PNPLA6: variants seen among roughly 807,000 people sequenced by gnomAD.
The protein encoded by PNPLA6 is patatin like domain 6, lysophospholipase.
A neutral mutation model predicts 153.7 loss-of-function variants in PNPLA6; 105 were observed. The observed-to-expected ratio is 0.68, with a 90% confidence interval of 0.58 to 0.80. The LOEUF is 0.80. PNPLA6 is among the 30% of genes least tolerant of loss of function. The probability of loss-of-function intolerance (pLI) is 0.00; values close to 1 mark genes in which losing one functional copy is unlikely to be tolerated. For synonymous variants in PNPLA6, 825 were observed against 822.2 expected, an observed-to-expected ratio of 1.00 and a Z score of -0.06; for missense variants, 1,423 against 1,919.3, an observed-to-expected ratio of 0.74 and a Z score of 4.83.
upstream of PNPLA6, chr19:7,534,989 G>A (rs1018827064): frequency 1.2e-5 from 2 of 160,320 alleles, no homozygotes; most frequent in African/African-American, 2.4e-5. Context: ...GGCTTGCGTC[G>A]GGAGCCGAGT....
rs2023162836 is a variant in PNPLA6 at position 7,541,902 on chromosome 19, C to T, written c.1169-82C>T. 13 of 1,282,098 alleles carry T rather than the reference C, an allele frequency of 1.0e-5. No individual in the cohort carries two copies. Among genetic ancestry groups the T allele is most frequent in the South Asian group, 5.9e-5 (5 of 84,658 alleles). The allele number at this position is 1,282,098 out of a possible 1,614,324, so 79.4% of individuals were successfully genotyped here. ...GAATTGCTTTAACTAGTTAATCAGT[C>T]GCCAGCATCTCCTTATCTCCCAACC... On this transcript the variant is annotated intron_variant, in intron 9 of 31. Transcript: ENST00000600737. This position sits in a 1 kb window ranked among gnomAD's most constrained non-coding sequence, Gnocchi z 5.2.
In PNPLA6 at chr19:7,540,129, G is replaced by T. The variant is rs183762415; in HGVS notation, c.555-20G>T. 1.2e-6 allele frequency: 2 copies of T among 1,613,008 alleles called. No individual in the cohort carries two copies. The highest frequency in any genetic ancestry group is 1.7e-4 in the Middle Eastern group (1 of 6,032). ...GCCGCCCTGACCTCCAGCCTCTGTC[G>T]CCCACCGCCTGTCCAACAGGGTGCT... is the stretch of plus-strand genomic sequence containing the variant. On this transcript the variant is annotated intron_variant, in intron 4 of 31. Coordinates refer to ENST00000600737, the MANE Select transcript of PNPLA6 (RefSeq NM_001166114.2). This position sits in a 1 kb window ranked among gnomAD's most constrained non-coding sequence, Gnocchi z 6.8.
chr19:7,558,013 A>C (rs147123471), intron 27 of PNPLA6, among the ~76,000 whole-genome samples: 1 of 152,190 alleles, frequency 6.6e-6, no homozygotes, highest in African/African-American at 2.4e-5. Context: ...ATGTGCACAG[A>C]TGAACACGTG....
intron 18 of PNPLA6, among the ~76,000 whole-genome samples, chr19:7,551,982 C>T (rs543861243): frequency 6.6e-6 from 1 of 152,198 alleles, no homozygotes; most frequent in South Asian, 2.1e-4. Context: ...TGACACATGC[C>T]TGTAGTCTCA....
At chr19:7,537,121 A>G (rs1000113905) in intron 3 of PNPLA6, among the ~76,000 whole-genome samples, 1 of 151,980 alleles carries the variant, frequency 6.6e-6, no homozygotes, top group Non-Finnish European at 1.5e-5. Flanking sequence ...TCCCAAGTCA[A>G]TATCTCAGAG....
At chr19:7,554,744 G>A (rs767876353) in intron 21 of PNPLA6, 21 bp downstream of exon 21, 1 of 1,610,154 alleles carries the variant, frequency 6.2e-7, no homozygotes, top group Non-Finnish European at 8.5e-7. Flanking sequence ...CGTGCCCCCT[G>A]ATCTCACCCA....
At chr19:7,546,481 A>C (rs2146075284) in intron 13 of PNPLA6, among the ~76,000 whole-genome samples, 1 of 152,276 alleles carries the variant, frequency 6.6e-6, no homozygotes, top group Non-Finnish European at 1.5e-5. Context: ...ACAAACAAAA[A>C]AAATTAGCCA....
rs778359563 is a variant in PNPLA6, at chr19:7,539,996, C to T, written c.492C>T (p.Thr164=). 114 of 1,595,376 alleles carry T rather than the reference C, an allele frequency of 7.1e-5. No homozygotes were observed. The highest frequency in any genetic ancestry group is 2.6e-4 in the Admixed American group (15 of 56,870). ...CCGCAGTGCTAGAAGCTGACCTGAC[C>T]GAGGGCGACCTGGCTAACTCCCATC... The part of the protein sequence containing the change: ...PPPAVLEADL[T]EGDLANSHLP... Residue 164 remains threonine (T), a synonymous_variant, in exon 4 of 32, where the codon ACC becomes ACT. Transcript: ENST00000600737.
At chr19:7,551,282 C>A (rs563069253) in intron 17 of PNPLA6, 80 bp from the exon 18 acceptor site, 3 of 1,434,164 alleles carry the variant, frequency 2.1e-6, no homozygotes, top group African/African-American at 1.4e-5. Flanking sequence ...CACCCAGGAG[C>A]CCCGGCATAG....
chr19:7,539,866 C>T (rs2023046626), intron 3 of PNPLA6, 52 bp from the exon 4 acceptor site: 2 of 1,310,962 alleles, frequency 1.5e-6, no homozygotes. Context: ...TTAGGTTTGC[C>T]TGAGCCTTCT....
chr19:7,534,915 C>T (rs761990856), upstream of PNPLA6: 2 of 160,522 alleles, frequency 1.2e-5, no homozygotes, highest in East Asian at 1.8e-4. Flanking sequence ...GGGTATCAGA[C>T]GCCTTCCGCG....
At chr19:7,550,168 G>A in intron 14 of PNPLA6, 56 bp downstream of exon 14, 3 of 1,609,668 alleles carry the variant, frequency 1.9e-6, no homozygotes, top group Non-Finnish European at 2.5e-6. Context: ...CAACCCGTGG[G>A]AGTGGCCAGA....
At chr19:7,549,226 GC>G (rs2023532891) in intron 13 of PNPLA6, among the ~76,000 whole-genome samples, 1 of 140,098 alleles carries the variant, frequency 7.1e-6, no homozygotes, top group East Asian at 2.1e-4. Flanking sequence ...TCGCTCTGTC[GC>G]CCACGCTGGA....
At position 7,541,228 on chromosome 19, in the gene PNPLA6, TC is replaced by T; in HGVS notation, c.925-122del. 1 of 1,103,170 alleles carries T rather than the reference TC, an allele frequency of 9.1e-7. No homozygotes were observed. The highest frequency in any genetic ancestry group is 1.3e-6 in the Non-Finnish European group (1 of 745,676). 68.3% of individuals were successfully genotyped at this position (1,103,170 alleles called of 1,614,324 possible). A position where few individuals can be genotyped will look rare whatever the true frequency, so the allele number is the denominator to read the frequency against. ...CCTCCCTTAGCTGCCTCGCCCCATT[TC>T]CCCAGACTGTGGGTCTCTCCCTGGT... On this transcript the variant is annotated intron_variant, in intron 7 of 31. Transcript: ENST00000600737. The surrounding 1 kb of genome is among the most constrained non-coding windows in gnomAD (Gnocchi z 5.2).
Position 7,542,567 on chromosome 19 carries a change from A to G in PNPLA6, c.1259A>G (p.Gln420Arg). 1 of 1,613,316 alleles carries G rather than the reference A, an allele frequency of 6.2e-7. No homozygotes were observed. The highest frequency in any genetic ancestry group is 2.2e-5 in the East Asian group (1 of 44,864). The change falls in exon 11 of 32, where the codon CAG (glutamine) becomes CGG (arginine). Residue 420 changes from glutamine (Q) to arginine (R), a missense_variant. Gln to Arg is a conservative substitution (Grantham distance 43). This residue lies in a region of PNPLA6 where 267 missense variants were observed against 255.1 expected (regional missense o/e 1.05). Transcript: ENST00000600737. Reference protein sequence around the residue: ...VSMPGDISGLQGGPRSDFDMA... With the variant: ...VSMPGDISGLRGGPRSDFDMA... Reference sequence around the variant, plus strand: ...CCCCCCTGCCTGCCTGCAGGCTTGCAGGGTGGCCCCCGCTCCGACTTCGAC... The same window carrying G: ...CCCCCCTGCCTGCCTGCAGGCTTGCGGGGTGGCCCCCGCTCCGACTTCGAC...
chr19:7,539,891 C>T, intron 3 of PNPLA6, 27 bp from the exon 4 acceptor site: 1 of 1,461,632 alleles, frequency 6.8e-7, no homozygotes, highest in Admixed American at 2.0e-5. Flanking sequence ...GCCCCCCTCA[C>T]CCCCGGCACC....
chr19:7,543,842 G>C (rs1394349888), intron 13 of PNPLA6, among the ~76,000 whole-genome samples: 1 of 146,890 alleles, frequency 6.8e-6, no homozygotes, highest in South Asian at 2.1e-4. Flanking sequence ...ACGGAGTCTC[G>C]CTCTGTCACC....
Position 7,561,517 on chromosome 19 carries a change from A to G in PNPLA6, c.4053A>G (p.Arg1351=). The change falls in exon 32 of 32, where the codon CGA becomes CGG. Residue 1351 remains arginine (R), a synonymous_variant. Coordinates refer to ENST00000600737, the MANE Select transcript of PNPLA6 (RefSeq NM_001166114.2). ...MEEEKSILRQ[R]RCLPQEPPGS... is the part of the protein sequence containing the mutation. ...AGGAGAAGTCGATTCTCCGGCAACG[A>G]CGCTGTCTGCCCCAGGAGCCGCCCG... is the stretch of plus-strand genomic sequence containing the variant. The G allele has an allele frequency of 6.2e-7, 1 of 1,609,228 alleles. No homozygotes were observed. The highest frequency in any genetic ancestry group is 1.8e-4 in the Middle Eastern group (1 of 5,542).
chr19:7,547,419 C>T (rs891657510), intron 13 of PNPLA6, among the ~76,000 whole-genome samples: 4 of 152,148 alleles, frequency 2.6e-5, no homozygotes, highest in East Asian at 1.9e-4. Flanking sequence ...AATGACTTGA[C>T]GTTGAACAGC....
Sources: gnomAD v4.1 joint callset for allele counts (sites outside exome capture counted in the v4.1 genomes callset) on GRCh38, gnomAD v4.1.1 for gene constraint, gnomAD v4.1.1 regional missense constraint, Gnocchi (gnomAD v3.1) non-coding constraint, MANE v1.5 for transcripts, NCBI Gene and HGNC (gene_info 2026-07-23, HGNC 2026-07-21) for gene names.